NUMBL: variants seen among roughly 807,000 people sequenced by gnomAD.
NUMBL encodes the protein numb-like protein.
In NUMBL, 20 loss-of-function variants were observed where a neutral mutation model predicts 48.9. That is an observed-to-expected ratio of 0.41 (90% CI 0.29 to 0.59). The LOEUF (loss-of-function observed/expected upper bound fraction) is 0.59, where lower values mean the gene tolerates loss of function less well. NUMBL is among the 20% of genes least tolerant of loss of function. The pLI is 0.31. For missense variants in NUMBL, 660 were observed against 846.2 expected (o/e 0.78, Z 2.73); for synonymous variants, 340 against 348.7 (o/e 0.98, Z 0.28).
intron 2 of NUMBL, 95 bp from the exon 3 acceptor site, chr19:40,684,651 G>A: frequency 6.9e-7 from 1 of 1,449,292 alleles, no homozygotes; most frequent in Non-Finnish European, 9.2e-7. Flanking sequence ...CATGGGGTCA[G>A]ATAACAAGAT....
chr19:40,675,142 CAAAAAAAAAAAAA>C (rs71334931), intron 7 of NUMBL, among the ~76,000 whole-genome samples: 1,279 of 29,816 alleles, frequency 0.043, 41 homozygotes, highest in African/African-American at 0.14. Context: ...GACTCTGTCT[CAAAAAAAAAAAAA>C]AAAAAAAAAA....
At chr19:40,679,041 A>C (rs1285885528) in intron 6 of NUMBL, among the ~76,000 whole-genome samples, 1 of 152,146 alleles carries the variant, frequency 6.6e-6, no homozygotes, top group Non-Finnish European at 1.5e-5. Context: ...CAGTGAGCCA[A>C]GATCGTGCCA....
Position 40,666,400 on chromosome 19 carries a change from A to G in NUMBL, c.*1068T>C, listed in dbSNP as rs1180899889. On this transcript the variant is annotated 3_prime_UTR_variant, in exon 10 of 10. Coordinates refer to ENST00000252891, the MANE Select transcript of NUMBL (RefSeq NM_004756.5). ...AGTGATCTGCCTGCCTCGACCTCCCAAAGTGCTGGGATTACAGGCGTGAGC... is the reference window on the plus strand; with the variant it reads ...AGTGATCTGCCTGCCTCGACCTCCCGAAGTGCTGGGATTACAGGCGTGAGC... 6.6e-6 allele frequency: 1 copy of G among 152,198 alleles called. No homozygotes were observed. The highest frequency in any genetic ancestry group is 1.5e-5 in the Non-Finnish European group (1 of 68,058). 9.4% of individuals were successfully genotyped at this position (152,198 alleles called of 1,614,324 possible). A position where few individuals can be genotyped will look rare whatever the true frequency, so the allele number is the denominator to read the frequency against.
At chr19:40,668,767 C>A (rs140759056) in intron 9 of NUMBL, among the ~76,000 whole-genome samples, 1,826 of 152,274 alleles carry the variant, frequency 0.012, 34 homozygotes, top group African/African-American at 0.04. Flanking sequence ...CTGGTATTCA[C>A]TATTTTGAAT....
rs147917298 is a variant in NUMBL at position 40,682,148 on chromosome 19, T to C, written c.399+580A>G. ...TATTATAATCCCTGTTTTTCTGCGA[T>C]GGAGTTTAGCTCTTGTTGCCCAGGC... On this transcript the variant is annotated intron_variant, in intron 5 of 9. Coordinates refer to ENST00000252891, the MANE Select transcript of NUMBL (RefSeq NM_004756.5). The surrounding 1 kb of genome is among the most constrained non-coding windows in gnomAD (Gnocchi z 4.0). Among the ~76,000 whole-genome samples, 112 of 152,166 alleles carry C rather than the reference T, an allele frequency of 7.4e-4. No individual in the cohort carries two copies. The highest frequency in any genetic ancestry group is 2.0e-3 in the African/African-American group (85 of 41,522).
chr19:40,684,269 C>A (rs2081921766), intron 3 of NUMBL, 148 bp downstream of exon 3: 1 of 815,362 alleles, frequency 1.2e-6, no homozygotes, highest in Non-Finnish European at 1.8e-6. Flanking sequence ...GGGGTTTCAC[C>A]GTGATAGCCA....
At position 40,686,946 on chromosome 19, in the gene NUMBL, G is replaced by GC; in HGVS notation, c.73dup (p.Ala25GlyfsTer76). 1.9e-6 allele frequency: 3 copies of GC among 1,544,754 alleles called. No individual in the cohort carries two copies. Among genetic ancestry groups the GC allele is most frequent in the Admixed American group, 4.0e-5 (2 of 49,626 alleles). ...CCTGCAGGTTTCTGGGGGCCCCGGG[G>GC]CCCCACAGGGGGCTGGGGGCAGGTG... On this transcript the variant is annotated frameshift_variant, in exon 2 of 10. Coordinates refer to ENST00000252891, the MANE Select transcript of NUMBL (RefSeq NM_004756.5). LOFTEE classifies it high-confidence loss of function.
chr19:40,674,134 C>T (rs2081862829), intron 7 of NUMBL, among the ~76,000 whole-genome samples: 1 of 152,210 alleles, frequency 6.6e-6, no homozygotes. Context: ...CCAAGTCCTA[C>T]TGCTAGGAAG....
intron 1 of NUMBL, among the ~76,000 whole-genome samples, chr19:40,689,216 C>G (rs964466537): frequency 2.3e-4 from 35 of 152,100 alleles, no homozygotes; most frequent in Non-Finnish European, 3.7e-4. Context: ...TGTCACATAC[C>G]CAGTTATAGT....
At chr19:40,677,515 C>T (rs553175021) in intron 6 of NUMBL, 94 bp from the exon 7 acceptor site, 2 of 1,170,402 alleles carry the variant, frequency 1.7e-6, no homozygotes, top group East Asian at 2.5e-5. Context: ...TACTGGGTTG[C>T]CCCGGATGAG....
intron 5 of NUMBL, among the ~76,000 whole-genome samples, chr19:40,681,648 G>A (rs184692593): frequency 2.5e-4 from 38 of 152,142 alleles, no homozygotes; most frequent in African/African-American, 8.9e-4. Context: ...GAGCAGTTAC[G>A]ATGTACTAGA....
chr19:40,682,217 C>A lies in NUMBL; in HGVS notation c.399+511G>T, dbSNP rs2081908676. ...TCTCCGCTCACCGCAACCTCCAAGT[C>A]TCGGGTTCAAGAGATTCTCCTGCCT... On this transcript the variant is annotated intron_variant, in intron 5 of 9. Transcript: ENST00000252891. The surrounding 1 kb of genome is among the most constrained non-coding windows in gnomAD (Gnocchi z 4.0). Among the ~76,000 whole-genome samples the A allele has an allele frequency of 6.6e-6, 1 of 152,104 alleles. No individual in the cohort carries two copies. The highest frequency in any genetic ancestry group is 1.5e-5 in the Non-Finnish European group (1 of 68,024).
intron 5 of NUMBL, among the ~76,000 whole-genome samples, chr19:40,681,524 T>A (rs1339925844): frequency 6.6e-6 from 1 of 152,180 alleles, no homozygotes; most frequent in Non-Finnish European, 1.5e-5. Context: ...GTCTCTGGGC[T>A]GGGGGCAGCA....
At chr19:40,679,704 C>T (rs966252124) in intron 6 of NUMBL, among the ~76,000 whole-genome samples, 2 of 151,906 alleles carry the variant, frequency 1.3e-5, no homozygotes, top group Non-Finnish European at 2.9e-5. Flanking sequence ...CACAACATTA[C>T]ACTAAGTAAA....
At chr19:40,678,664 A>G (rs1390180644) in intron 6 of NUMBL, among the ~76,000 whole-genome samples, 1 of 152,192 alleles carries the variant, frequency 6.6e-6, no homozygotes, top group Non-Finnish European at 1.5e-5. Context: ...CACACAGTCT[A>G]CACTATCTGG....
rs201860417 is a variant in NUMBL, at chr19:40,684,450, C to T, written c.216G>A (p.Ala72=). Residue 72 remains alanine, a synonymous_variant, in exon 3 of 10, where the codon GCG becomes GCA. Coordinates refer to ENST00000252891, the MANE Select transcript of NUMBL (RefSeq NM_004756.5). ...RPHQWQADED[A]VRKGTCSFPV... Reference sequence around the variant, plus strand: ...GGAAGCTGCACGTGCCCTTCCGCACCGCGTCCTCGTCTGCCTGCCACTGGT... The same window carrying T: ...GGAAGCTGCACGTGCCCTTCCGCACTGCGTCCTCGTCTGCCTGCCACTGGT... The T allele has an allele frequency of 2.6e-5, 41 of 1,580,136 alleles. No individual in the cohort carries two copies. The highest frequency in any genetic ancestry group is 5.7e-5 in the South Asian group (5 of 87,112).
At position 40,682,125 on chromosome 19, in the gene NUMBL, T is replaced by C. The variant is rs1022303476; in HGVS notation, c.399+603A>G. On this transcript the variant is annotated intron_variant, in intron 5 of 9. Coordinates refer to ENST00000252891, the MANE Select transcript of NUMBL (RefSeq NM_004756.5). This position sits in a 1 kb window ranked among gnomAD's most constrained non-coding sequence, Gnocchi z 4.0. ...CTTTCTCACTTAATGGTAGGGTCTATTATAATCCCTGTTTTTCTGCGATGG... is the reference window on the plus strand; with the variant it reads ...CTTTCTCACTTAATGGTAGGGTCTACTATAATCCCTGTTTTTCTGCGATGG... Among the ~76,000 whole-genome samples the C allele has an allele frequency of 6.6e-6, 1 of 152,134 alleles. No individual in the cohort carries two copies. Among genetic ancestry groups the C allele is most frequent in the African/African-American group, 2.4e-5 (1 of 41,418 alleles).
In NUMBL at chr19:40,684,397, ACCCTGCCGCG is replaced by A. The variant is rs2081922841; in HGVS notation, c.249+10_249+19del. 1 of 1,545,070 alleles carries A rather than the reference ACCCTGCCGCG, an allele frequency of 6.5e-7. No individual in the cohort carries two copies. The highest frequency in any genetic ancestry group is 8.7e-7 in the Non-Finnish European group (1 of 1,150,490). ...GCCCCCGTCCCCCTCGCCCCGCCGC[ACCCTGCCGCG>A]CCCACTCACCCTGACCGGGAAGCTG... On this transcript the variant is annotated intron_variant, in intron 3 of 9. Transcript: ENST00000252891.
rs1406189624 is a variant in NUMBL, at chr19:40,677,340, C to T, written c.622G>A (p.Val208Ile). The part of the protein sequence containing the change: ...RKQRREKECG[V>I]TAAFDASRTS... ...CGGCTGGCATCGAAGGCGGCCGTGA[C>T]CCCACATTCCTTCTCCCGTCGCTGT... The change falls in exon 7 of 10, where the codon GTC becomes ATC. Residue 208 changes from valine to isoleucine, a missense_variant. This residue lies in a region of NUMBL where 278 missense variants were observed against 420.6 expected (regional missense o/e 0.66). Transcript: ENST00000252891. 1.2e-6 allele frequency: 2 copies of T among 1,612,174 alleles called. No individual in the cohort carries two copies. The highest frequency in any genetic ancestry group is 1.7e-5 in the Admixed American group (1 of 59,992).
Sources: gnomAD v4.1 joint callset for allele counts (sites outside exome capture counted in the v4.1 genomes callset) on GRCh38, gnomAD v4.1.1 for gene constraint, gnomAD v4.1.1 regional missense constraint, Gnocchi (gnomAD v3.1) non-coding constraint, MANE v1.5 for transcripts, NCBI Gene and HGNC (gene_info 2026-07-23, HGNC 2026-07-21) for gene names.